The following ZFP1 variants were observed in gnomAD, a reference collection of about 807,000 sequenced individuals.
The protein encoded by ZFP1 is ZFP1 zinc finger protein.
ZFP1 carries 32 observed loss-of-function variants against 38.5 expected under a neutral mutation model. The ratio of observed to expected loss-of-function variants is 0.83; its 90% CI spans 0.63 to 1.12. The LOEUF (loss-of-function observed/expected upper bound fraction) is 1.12. Ranked by LOEUF, ZFP1 falls within the 50% of genes most tolerant of loss-of-function variation. The pLI is 0.00. For missense variants in ZFP1, 616 were observed against 480.8 expected, an observed-to-expected ratio of 1.28 and a Z score of -2.63; for synonymous variants, 245 against 168.8, an observed-to-expected ratio of 1.45 and a Z score of -3.50.
rs2036995880 is a variant in ZFP1 at position 75,148,536 on chromosome 16, C to A, written c.-151C>A. On this transcript the variant is annotated 5_prime_UTR_variant, in exon 1 of 4. Transcript: ENST00000570010. ...CGCGCCGGTGGCCGCCCTTCCCCCACCACCAGCGGCGAGTGGGTGACAGAG... is the reference window on the plus strand; with the variant it reads ...CGCGCCGGTGGCCGCCCTTCCCCCAACACCAGCGGCGAGTGGGTGACAGAG... 1 of 152,266 alleles carries A rather than the reference C, an allele frequency of 6.6e-6. No individual in the cohort carries two copies. Among genetic ancestry groups the A allele is most frequent in the Non-Finnish European group, 1.5e-5 (1 of 68,098 alleles). The allele number at this position is 152,266 out of a possible 1,614,324, so 9.4% of individuals were successfully genotyped here. A position where few individuals can be genotyped will look rare whatever the true frequency, so the allele number is the denominator to read the frequency against.
At chr16:75,159,323 TTCCCTCCC>T (rs1182125172) in intron 2 of ZFP1, among the ~76,000 whole-genome samples, 11 of 6,564 alleles carry the variant, frequency 1.7e-3, no homozygotes, top group Non-Finnish European at 2.8e-3. Flanking sequence ...TTTCCCTCCT[TTCCCTCCC>T]TCCCTCCCTC....
At chr16:75,155,950 CAT>C (rs1250029237) in intron 2 of ZFP1, among the ~76,000 whole-genome samples, 3 of 151,938 alleles carry the variant, frequency 2.0e-5, no homozygotes, top group East Asian at 1.9e-4. Context: ...TCCTTTCAGA[CAT>C]GTGAGATCTA....
chr16:75,149,261 A>C (rs1400858346), intron 1 of ZFP1: 1 of 152,184 alleles, frequency 6.6e-6, no homozygotes, highest in Non-Finnish European at 1.5e-5. Context: ...ACCCGGTGGT[A>C]CTTTATGTGA....
chr16:75,149,866 C>T, intron 1 of ZFP1, among the ~76,000 whole-genome samples: 1 of 152,084 alleles, frequency 6.6e-6, no homozygotes, highest in East Asian at 1.9e-4. Context: ...AGTGCAGTGG[C>T]ACTCAGCTCA....
chr16:75,137,908 A>G, the ZFP1 span, among the ~76,000 whole-genome samples: 3 of 152,092 alleles, frequency 2.0e-5, no homozygotes, highest in Non-Finnish European at 4.4e-5. Flanking sequence ...AAATAAATAA[A>G]TAAATGATTG....
the ZFP1 span, among the ~76,000 whole-genome samples, chr16:75,139,391 A>AAAC: frequency 7.6e-6 from 1 of 131,128 alleles, no homozygotes; most frequent in Non-Finnish European, 1.5e-5. Context: ...AAAAAAAAAA[A>AAAC]AAAAACACCG....
At chr16:75,149,862 G>A (rs1366246615) in intron 1 of ZFP1, among the ~76,000 whole-genome samples, 1 of 152,104 alleles carries the variant, frequency 6.6e-6, no homozygotes, top group African/African-American at 2.4e-5. Flanking sequence ...CTGGAGTGCA[G>A]TGGCACTCAG....
chr16:75,160,891 A>G (rs373324379), intron 2 of ZFP1, among the ~76,000 whole-genome samples: 4 of 152,076 alleles, frequency 2.6e-5, no homozygotes, highest in East Asian at 1.9e-4. Flanking sequence ...CCCCGCTCAC[A>G]AGGGGAGGAG....
intron 2 of ZFP1, among the ~76,000 whole-genome samples, chr16:75,159,604 G>A (rs540149364): frequency 1.6e-4 from 24 of 147,214 alleles, no homozygotes; most frequent in African/African-American, 5.8e-4. Flanking sequence ...CAGGGTTTTG[G>A]TATATTGCCC....
the ZFP1 span, among the ~76,000 whole-genome samples, chr16:75,119,071 C>T: frequency 1.3e-5 from 2 of 152,312 alleles, no homozygotes; most frequent in East Asian, 3.9e-4. Context: ...ATGTATAAAA[C>T]TAAATTGTGC....
intron 2 of ZFP1, among the ~76,000 whole-genome samples, chr16:75,165,933 T>A (rs1297630390): frequency 6.6e-6 from 1 of 152,198 alleles, no homozygotes; most frequent in East Asian, 1.9e-4. Context: ...TCAGTTTAGA[T>A]ATTTACTGAC....
At chr16:75,158,212 C>G (rs2037565652) in intron 2 of ZFP1, among the ~76,000 whole-genome samples, 1 of 151,928 alleles carries the variant, frequency 6.6e-6, no homozygotes, top group Admixed American at 6.6e-5. Context: ...TGGTTTTGAT[C>G]CAGCCTGTTT....
intron 1 of ZFP1, among the ~76,000 whole-genome samples, chr16:75,150,878 G>A (rs1320732745): frequency 6.6e-6 from 1 of 152,168 alleles, no homozygotes; most frequent in African/African-American, 2.4e-5. Flanking sequence ...AAGCTGGAGT[G>A]CAGTGGTTCA....
At chr16:75,135,209 C>CAAAA in the ZFP1 span, among the ~76,000 whole-genome samples, 93 of 14,958 alleles carry the variant, frequency 6.2e-3, 21 homozygotes, top group Admixed American at 8.6e-3. Flanking sequence ...GACCTTATCT[C>CAAAA]AAAAAAAAAA....
At chr16:75,168,009 T>G (rs534314215) in intron 3 of ZFP1, among the ~76,000 whole-genome samples, 2 of 151,962 alleles carry the variant, frequency 1.3e-5, no homozygotes, top group Non-Finnish European at 2.9e-5. Flanking sequence ...TGCAGTGAGC[T>G]GAGATCACAC....
chr16:75,163,818 C>T (rs1410265915), intron 2 of ZFP1, among the ~76,000 whole-genome samples: 1 of 151,430 alleles, frequency 6.6e-6, no homozygotes, highest in African/African-American at 2.4e-5. Flanking sequence ...GCCATGTTGC[C>T]CAGGGTGGTC....
the ZFP1 span, among the ~76,000 whole-genome samples, chr16:75,141,420 T>A: frequency 1.3e-5 from 2 of 151,874 alleles, no homozygotes; most frequent in African/African-American, 2.4e-5. Context: ...TTAGCCAGGA[T>A]GGTCTCGATC....
chr16:75,128,430 A>G, the ZFP1 span, among the ~76,000 whole-genome samples: 3 of 152,252 alleles, frequency 2.0e-5, no homozygotes, highest in Non-Finnish European at 2.9e-5. Context: ...GCCAAGTACA[A>G]TAAAGCAAAC....
chr16:75,125,198 A>T, the ZFP1 span, among the ~76,000 whole-genome samples: 3 of 152,054 alleles, frequency 2.0e-5, no homozygotes, highest in Non-Finnish European at 2.9e-5. Flanking sequence ...AGCAGTGGTT[A>T]CAGTGAGCTG....
Sources: gnomAD v4.1 joint callset for allele counts (sites outside exome capture counted in the v4.1 genomes callset) on GRCh38, gnomAD v4.1.1 for gene constraint, MANE v1.5 for transcripts, NCBI Gene and HGNC (gene_info 2026-07-23, HGNC 2026-07-21) for gene names.